Variants in TPR observed in about 807,000 individuals in gnomAD.
TPR encodes the protein translocated promoter region, nuclear basket protein.
Under a neutral mutation model 316.1 loss-of-function variants are expected in TPR, and 51 were observed. The observed-to-expected ratio is 0.16, with a 90% CI of 0.13 to 0.20. The LOEUF is 0.20. Among genes scored for constraint, TPR ranks in the 10% least tolerant of loss-of-function variants. TPR has a pLI of 1.00. For synonymous variants in TPR, 981 were observed against 914.7 expected, an observed-to-expected ratio of 1.07 and a Z score of -1.31; for missense variants, 2,272 against 2,754.8, an observed-to-expected ratio of 0.82 and a Z score of 3.92.
chr1:186,358,947 T>C (rs1659104880), intron 12 of TPR, among the ~76,000 whole-genome samples: 1 of 152,060 alleles, frequency 6.6e-6, no homozygotes, highest in Admixed American at 6.5e-5. Context: ...AAAAAGTCAA[T>C]ATTCTCAGGC....
intron 31 of TPR, among the ~76,000 whole-genome samples, chr1:186,337,429 G>C (rs1264075583): frequency 6.6e-6 from 1 of 151,898 alleles, no homozygotes; most frequent in African/African-American, 2.4e-5. Context: ...TGAATCAAGT[G>C]AAAAAAGTAT....
rs761040938 is a variant in TPR, at chr1:186,345,693, A to G, written c.3100T>C (p.Ser1034Pro). Residue 1034 changes from serine to proline, a missense_variant, in exon 24 of 51, where the codon TCT becomes CCT. By Grantham distance (74) the Ser-to-Pro change is moderately conservative. Around this residue, in one of 10 missense-constraint regions of TPR, gnomAD observed 757 missense variants for 859.8 expected, o/e 0.88. Transcript: ENST00000367478. ...CTAGAAAGTGTTTTCTTCAATTCAG[A>G]TAACTAAGCAGAAAGAACAAGATTA... ...RAIESMEQQL[S>P]ELKKTLSSVQ... The G allele has an allele frequency of 6.9e-6, 11 of 1,604,450 alleles. No homozygotes were observed. The highest frequency in any genetic ancestry group is 1.7e-4 in the Middle Eastern group (1 of 6,036).
At chr1:186,340,879 C>T (rs943580765) in intron 29 of TPR, 149 bp downstream of exon 29, 12 of 935,420 alleles carry the variant, frequency 1.3e-5, no homozygotes, top group South Asian at 4.9e-5. Context: ...ACATCTGTCA[C>T]GTATTTACAT....
rs769287875 is a variant in TPR at position 186,317,522 on chromosome 1, G to A, written c.6900C>T (p.Leu2300=). ...EPVQASDESD[L]PSTSQDPPSS... is the part of the protein sequence containing the mutation. The stretch of plus-strand genomic sequence containing the variant: ...AAGGAGGATCCTGGCTGGTGGAGGG[G>A]AGATCTGACTCATCAGATGCTTGAA... The change falls in exon 49 of 51, where the codon CTC becomes CTT. Residue 2300 remains leucine, a synonymous_variant. Transcript: ENST00000367478. The A allele has an allele frequency of 6.2e-7, 1 of 1,614,004 alleles. No homozygotes were observed. The highest frequency in any genetic ancestry group is 1.3e-5 in the African/African-American group (1 of 74,912).
intron 46 of TPR, among the ~76,000 whole-genome samples, chr1:186,319,683 T>A (rs562719740): frequency 4.6e-5 from 7 of 152,176 alleles, no homozygotes; most frequent in African/African-American, 1.7e-4. Context: ...GTAATAGTAG[T>A]ATGCATTCTC....
Position 186,357,144 on chromosome 1 carries a change from A to G in TPR, c.1724+253T>C, listed in dbSNP as rs558668523. ...ACTGCAGCCTCAAACTCCTGGACTC[A>G]AGTGATCCTCCCACCTCAGCCTGTC... On this transcript the variant is annotated intron_variant, in intron 14 of 50. Transcript: ENST00000367478. 2.0e-4 allele frequency among the ~76,000 whole-genome samples: 31 copies of G among 152,178 alleles called. 1 individual carries two copies. The South Asian group carries it at 6.4e-3, about 32-fold the overall frequency.
rs1657394396 is a variant in TPR at position 186,312,959 on chromosome 1, A to G, written c.*1012T>C. The G allele has an allele frequency of 2.0e-6, 3 of 1,515,622 alleles. No individual in the cohort carries two copies. Among genetic ancestry groups the G allele is most frequent in the Non-Finnish European group, 2.7e-6 (3 of 1,091,828 alleles). 93.9% of individuals were successfully genotyped at this position (1,515,622 alleles called of 1,614,324 possible). ...ATTTGTGAAAACATGAAGATAAAGT[A>G]AAAATGCTGGCTGCAATGATGACTG... On this transcript the variant is annotated 3_prime_UTR_variant, in exon 51 of 51. Transcript: ENST00000367478.
rs777622425 is a variant in TPR at position 186,314,035 on chromosome 1, G to GA, written c.7037-10dup. On this transcript the variant is annotated splice_polypyrimidine_tract_variant and intron_variant, in intron 50 of 50. Transcript: ENST00000367478. ...CATTGCATGGCTCACACCTGTAAAA[G>GA]AAAAAAGAATCAAATTGAATATATC... The GA allele has an allele frequency of 2.1e-5, 34 of 1,605,484 alleles. No individual in the cohort carries two copies. The highest frequency in any genetic ancestry group is 4.2e-6 in the Non-Finnish European group (5 of 1,177,550).
intron 39 of TPR, among the ~76,000 whole-genome samples, chr1:186,330,157 A>G (rs1320971541): frequency 2.6e-5 from 4 of 152,188 alleles, no homozygotes; most frequent in African/African-American, 9.7e-5. Context: ...CAACTAAGAC[A>G]AACCCTAAGG....
chr1:186,355,309 A>G (rs1658991650), intron 17 of TPR, 101 bp downstream of exon 17: 1 of 1,307,254 alleles, frequency 7.6e-7, no homozygotes, highest in Admixed American at 2.4e-5. Context: ...ACAGTTCACA[A>G]AAAAAGCAAC....
At chr1:186,341,972 AT>A (rs201336032) in intron 27 of TPR, 27,884 of 145,358 alleles carry the variant, frequency 0.19, 2,768 homozygotes, top group African/African-American at 0.3. Flanking sequence ...TACTATTATA[AT>A]TTTTTTTTTT....
chr1:186,373,863 A>C (rs1394996101), intron 1 of TPR, among the ~76,000 whole-genome samples: 1 of 152,202 alleles, frequency 6.6e-6, no homozygotes, highest in Non-Finnish European at 1.5e-5. Context: ...ATAGTAGTCA[A>C]GATATTACCT....
chr1:186,364,829 A>G (rs567129354), intron 4 of TPR, among the ~76,000 whole-genome samples: 1 of 152,340 alleles, frequency 6.6e-6, no homozygotes, highest in East Asian at 1.9e-4. Flanking sequence ...GATATTTATT[A>G]GTAAGAAAGA....
chr1:186,344,626 A>G (rs752362032), intron 24 of TPR, 48 bp from the exon 25 acceptor site: 5 of 1,410,834 alleles, frequency 3.5e-6, no homozygotes, highest in Non-Finnish European at 4.7e-6. Flanking sequence ...AAAATCCATA[A>G]AACTAGTTAG....
intron 46 of TPR, among the ~76,000 whole-genome samples, chr1:186,319,276 A>C (rs1356547379): frequency 1.3e-5 from 2 of 152,228 alleles, no homozygotes; most frequent in African/African-American, 4.8e-5. Context: ...AGTGTGAGCC[A>C]CTGCACCTGG....
At position 186,325,915 on chromosome 1, in the gene TPR, C is replaced by A. The variant is rs966994506; in HGVS notation, c.6022-61G>T. 9 of 1,588,752 alleles carry A rather than the reference C, an allele frequency of 5.7e-6. No individual in the cohort carries two copies. The African/African-American group carries it at 8.1e-5, about 14-fold the overall frequency. On this transcript the variant is annotated intron_variant, in intron 41 of 50. Transcript: ENST00000367478. ...AAATAAATATGTTAAAAAAACCGGA[C>A]AGAATAATTAACCAAACCAAACCAC...
intron 12 of TPR, 118 bp from the exon 13 acceptor site, chr1:186,358,768 T>C: frequency 1.3e-6 from 1 of 754,006 alleles, no homozygotes; most frequent in Non-Finnish European, 2.1e-6. Context: ...AATAAAATCC[T>C]ACATAATATT....
intron 11 of TPR, 107 bp from the exon 12 acceptor site, chr1:186,360,103 G>C (rs12093440): frequency 0.32 from 427,540 of 1,334,706 alleles, 71,567 homozygotes; most frequent in Admixed American, 0.4. Flanking sequence ...AAATGGCAAT[G>C]TTTACTATGT....
intron 2 of TPR, among the ~76,000 whole-genome samples, chr1:186,371,576 T>C (rs1203172638): frequency 1.3e-5 from 2 of 152,174 alleles, no homozygotes; most frequent in Non-Finnish European, 2.9e-5. Flanking sequence ...AAATGGGCTC[T>C]TTTCCCTTAC....
Sources: gnomAD v4.1 joint callset for allele counts (sites outside exome capture counted in the v4.1 genomes callset) on GRCh38, gnomAD v4.1.1 for gene constraint, gnomAD v4.1.1 regional missense constraint, MANE v1.5 for transcripts, NCBI Gene and HGNC (gene_info 2026-07-23, HGNC 2026-07-21) for gene names.